Variants in CDH12 observed in about 807,000 individuals in gnomAD.
CDH12 encodes the protein cadherin-12.
Under a neutral mutation model 74.1 loss-of-function variants are expected in CDH12, and 41 were observed. The observed-to-expected ratio is 0.55, with a 90% confidence interval of 0.43 to 0.72. CDH12 has a LOEUF of 0.72. Ranked by LOEUF, CDH12 falls within the 30% of genes least tolerant of loss-of-function variation. CDH12 has a pLI of 0.00. For synonymous variants in CDH12, 399 were observed against 355.0 expected (o/e 1.12, Z -1.39); for missense variants, 945 against 977.2 (o/e 0.97, Z 0.44).
At chr5:22,123,607 A>G (rs1018230265) in intron 4 of CDH12, among the ~76,000 whole-genome samples, 1 of 152,206 alleles carries the variant, frequency 6.6e-6, no homozygotes, top group Non-Finnish European at 1.5e-5. Context: ...TTAGATGGTT[A>G]TAAGGCATAC....
chr5:21,751,294 C>G lies in CDH12; in HGVS notation c.*443G>C, dbSNP rs1287844619. 3 of 156,084 alleles carry G rather than the reference C, an allele frequency of 1.9e-5. No individual in the cohort carries two copies. The highest frequency in any genetic ancestry group is 1.9e-4 in the Admixed American group (3 of 16,058). 9.7% of individuals were successfully genotyped at this position (156,084 alleles called of 1,614,324 possible). ...GTCTTTATCTCTGAATCCCGCAATA[C>G]CATCACAGCAGAGTGTACTGTACAC... On this transcript the variant is annotated 3_prime_UTR_variant, in exon 15 of 15. Coordinates refer to ENST00000382254, the MANE Select transcript of CDH12 (RefSeq NM_004061.5).
At chr5:21,760,302 A>G (rs1022363686) in intron 13 of CDH12, among the ~76,000 whole-genome samples, 3 of 152,122 alleles carry the variant, frequency 2.0e-5, no homozygotes, top group African/African-American at 7.2e-5. Context: ...AAAGCATTCA[A>G]TTTCTCAGAG....
intron 3 of CDH12, among the ~76,000 whole-genome samples, chr5:22,400,883 G>A (rs1228519002): frequency 1.3e-5 from 2 of 151,942 alleles, no homozygotes; most frequent in Non-Finnish European, 2.9e-5. Flanking sequence ...TGGCCATGTT[G>A]GATTCCCCAA....
At chr5:22,321,856 G>C (rs184527795) in intron 3 of CDH12, among the ~76,000 whole-genome samples, 182 of 152,154 alleles carry the variant, frequency 1.2e-3, no homozygotes, top group African/African-American at 3.7e-3. Flanking sequence ...GTTAAGTCCA[G>C]AATATAAATT....
At chr5:21,918,571 C>T (rs540212171) in intron 6 of CDH12, among the ~76,000 whole-genome samples, 1 of 152,016 alleles carries the variant, frequency 6.6e-6, no homozygotes, top group East Asian at 1.9e-4. Context: ...CACAAGGTGC[C>T]AGGAAGGAGA....
At chr5:22,440,997 GCAGAGTA>G (rs1373258774) in intron 2 of CDH12, among the ~76,000 whole-genome samples, 13 of 152,232 alleles carry the variant, frequency 8.5e-5, no homozygotes, top group Non-Finnish European at 1.8e-4. Flanking sequence ...GTCTTGGCAG[GCAGAGTA>G]CAGGTTGGAT....
At chr5:22,426,200 A>G (rs1448762364) in intron 2 of CDH12, among the ~76,000 whole-genome samples, 1 of 151,510 alleles carries the variant, frequency 6.6e-6, no homozygotes, top group African/African-American at 2.4e-5. Context: ...AAAAGAAAAA[A>G]AAAAAAAAAA....
At chr5:21,865,928 A>G (rs1751302814) in intron 6 of CDH12, among the ~76,000 whole-genome samples, 1 of 152,090 alleles carries the variant, frequency 6.6e-6, no homozygotes, top group South Asian at 2.1e-4. Flanking sequence ...TAATTCCCTT[A>G]TGTTGTGGGA....
intron 5 of CDH12, among the ~76,000 whole-genome samples, chr5:22,031,462 G>A (rs1002058846): frequency 4.6e-5 from 7 of 152,172 alleles, no homozygotes; most frequent in African/African-American, 1.4e-4. Context: ...TCATGTGTTC[G>A]TGGAGTAGCA....
chr5:22,579,627 T>C (rs1739976215), intron 1 of CDH12, among the ~76,000 whole-genome samples: 1 of 152,140 alleles, frequency 6.6e-6, no homozygotes, highest in Admixed American at 6.5e-5. Flanking sequence ...TTTTCTTTTC[T>C]TTTTTATTTC....
intron 3 of CDH12, among the ~76,000 whole-genome samples, chr5:22,233,982 A>T (rs562982978): frequency 6.6e-6 from 1 of 152,178 alleles, no homozygotes. Flanking sequence ...GAATTAGTTT[A>T]TATAAAACAA....
At chr5:22,592,035 A>C (rs1037786853) in intron 1 of CDH12, among the ~76,000 whole-genome samples, 1 of 152,138 alleles carries the variant, frequency 6.6e-6, no homozygotes. Context: ...ATGTTTTACC[A>C]TAGTCATGCA....
chr5:21,871,410 C>T (rs374066578), intron 6 of CDH12, among the ~76,000 whole-genome samples: 4 of 152,086 alleles, frequency 2.6e-5, no homozygotes, highest in South Asian at 2.1e-4. Flanking sequence ...GAGTTTTCCA[C>T]GTAGTACTGC....
At chr5:21,904,741 T>C (rs1753558663) in intron 6 of CDH12, among the ~76,000 whole-genome samples, 1 of 151,968 alleles carries the variant, frequency 6.6e-6, no homozygotes, top group African/African-American at 2.4e-5. Context: ...ATTGCACCAC[T>C]ATACTCCAGC....
chr5:21,845,037 T>TAGATA (rs1750090707), intron 7 of CDH12, among the ~76,000 whole-genome samples: 1 of 75,744 alleles, frequency 1.3e-5, no homozygotes, highest in African/African-American at 4.4e-5. Context: ...ATAGATAGAT[T>TAGATA]AGATTAGATG....
rs1178323849 is a variant in CDH12 at position 22,125,968 on chromosome 5, T to A, written c.-186-47106A>T. On this transcript the variant is annotated intron_variant, in intron 4 of 14. Coordinates refer to ENST00000382254, the MANE Select transcript of CDH12 (RefSeq NM_004061.5). ...CTCATTTCACTTTCATTGTTTTTTT[T>A]TTTTTAAATCTATTGTGTATTTCAT... 2.7e-5 allele frequency among the ~76,000 whole-genome samples: 4 copies of A among 146,058 alleles called. No individual in the cohort carries two copies. In the East Asian group the frequency reaches 6.0e-4, roughly 22 times the overall value.
At chr5:22,090,320 T>C (rs1328919576) in intron 4 of CDH12, among the ~76,000 whole-genome samples, 2 of 151,790 alleles carry the variant, frequency 1.3e-5, no homozygotes, top group Non-Finnish European at 2.9e-5. Flanking sequence ...CAAAAATTAA[T>C]AATATTACCT....
intron 1 of CDH12, among the ~76,000 whole-genome samples, chr5:22,594,648 C>G (rs969686834): frequency 1.8e-4 from 27 of 152,150 alleles, no homozygotes; most frequent in South Asian, 1.2e-3. Context: ...AACAGCTGAA[C>G]TAGCGCAAGA....
intron 3 of CDH12, among the ~76,000 whole-genome samples, chr5:22,217,065 A>G (rs1175985322): frequency 6.6e-6 from 1 of 151,800 alleles, no homozygotes; most frequent in Non-Finnish European, 1.5e-5. Context: ...ACACCCTTCC[A>G]TGCCCCAAAC....
Sources: allele counts gnomAD v4.1 joint callset (sites outside exome capture counted in the v4.1 genomes callset), GRCh38; gene constraint gnomAD v4.1.1; transcripts MANE v1.5; gene names NCBI Gene and HGNC (gene_info 2026-07-23, HGNC 2026-07-21).